Variants in GRID1 observed in about 807,000 individuals in gnomAD.
The protein encoded by GRID1 is glutamate receptor ionotropic, delta-1.
Under a neutral mutation model 98.0 loss-of-function variants are expected in GRID1, and 28 were observed. That is an observed-to-expected ratio of 0.29 (90% CI 0.21 to 0.39). The LOEUF (loss-of-function observed/expected upper bound fraction) is 0.39, where lower values mean the gene tolerates loss of function less well. Ranked by LOEUF, GRID1 falls within the 10% of genes least tolerant of loss-of-function variation. The probability of loss-of-function intolerance (pLI) is 1.00; values close to 1 mark genes in which losing one functional copy is unlikely to be tolerated. For missense variants in GRID1, 1,111 were observed against 1,340.5 expected (o/e 0.83, Z 2.67); for synonymous variants, 553 against 538.5 (o/e 1.03, Z -0.37).
At chr10:86,251,473 C>T (rs1037396932) in intron 2 of GRID1, among the ~76,000 whole-genome samples, 2 of 152,156 alleles carry the variant, frequency 1.3e-5, no homozygotes, top group Non-Finnish European at 2.9e-5. Context: ...TCAGTTCCCT[C>T]ATGTCTGCGG....
intron 5 of GRID1, among the ~76,000 whole-genome samples, chr10:85,873,727 T>A (rs1160057501): frequency 6.6e-6 from 1 of 152,252 alleles, no homozygotes; most frequent in Non-Finnish European, 1.5e-5. Flanking sequence ...ACAATGTGTA[T>A]GCCTCTTGCA....
At chr10:85,672,813 G>A (rs1165600757) in intron 12 of GRID1, among the ~76,000 whole-genome samples, 2 of 152,270 alleles carry the variant, frequency 1.3e-5, no homozygotes, top group Admixed American at 1.3e-4. Flanking sequence ...TTGTCTTCAT[G>A]CCTGTTATTA....
chr10:86,097,053 T>A (rs1015466058), intron 4 of GRID1, among the ~76,000 whole-genome samples: 1 of 151,864 alleles, frequency 6.6e-6, no homozygotes, highest in Admixed American at 6.5e-5. Context: ...GCCTTTGGAC[T>A]CCAGTACTTA....
intron 8 of GRID1, among the ~76,000 whole-genome samples, chr10:85,799,597 C>T (rs538908676): frequency 3.9e-5 from 6 of 152,094 alleles, no homozygotes; most frequent in African/African-American, 1.4e-4. Flanking sequence ...GAGGACATTA[C>T]GTTAACCCAA....
chr10:86,093,578 A>T (rs1046685872), intron 4 of GRID1, among the ~76,000 whole-genome samples: 1 of 152,210 alleles, frequency 6.6e-6, no homozygotes, highest in Non-Finnish European at 1.5e-5. Flanking sequence ...GAACACCTTT[A>T]TGCACATAAA....
intron 8 of GRID1, among the ~76,000 whole-genome samples, chr10:85,788,171 A>T (rs2132736533): frequency 6.6e-6 from 1 of 152,264 alleles, no homozygotes; most frequent in African/African-American, 2.4e-5. Context: ...GGGGAAAAAA[A>T]ATCAGGAATT....
intron 3 of GRID1, among the ~76,000 whole-genome samples, chr10:86,164,987 G>A (rs749894686): frequency 1.3e-5 from 2 of 152,180 alleles, no homozygotes; most frequent in Non-Finnish European, 2.9e-5. Flanking sequence ...GGACAGAAGC[G>A]AATGTTCAGT....
intron 8 of GRID1, among the ~76,000 whole-genome samples, chr10:85,821,050 T>C (rs956105800): frequency 6.6e-6 from 1 of 152,032 alleles, no homozygotes; most frequent in Non-Finnish European, 1.5e-5. Context: ...TAAAGAAATA[T>C]GGTTTTCCCA....
chr10:86,139,238 C>T (rs1196728069), intron 3 of GRID1, among the ~76,000 whole-genome samples: 1 of 152,160 alleles, frequency 6.6e-6, no homozygotes, highest in African/African-American at 2.4e-5. Flanking sequence ...GACTGTCTCC[C>T]CCTACAGGTT....
intron 14 of GRID1, 64 bp downstream of exon 14, chr10:85,619,803 A>T: frequency 7.8e-7 from 1 of 1,284,596 alleles, no homozygotes; most frequent in South Asian, 1.2e-5. Flanking sequence ...CTAAGAGGTT[A>T]TTCTCCTACC....
chr10:85,623,089 C>T (rs1331695504), intron 13 of GRID1, among the ~76,000 whole-genome samples: 2 of 152,194 alleles, frequency 1.3e-5, no homozygotes, highest in South Asian at 2.1e-4. Context: ...TCCTAAATGT[C>T]GTCTTCACTT....
intron 8 of GRID1, among the ~76,000 whole-genome samples, chr10:85,849,068 G>T (rs772965247): frequency 1.3e-5 from 2 of 152,000 alleles, no homozygotes. Flanking sequence ...CACTTCCCAG[G>T]CTCCTAGCAC....
intron 4 of GRID1, among the ~76,000 whole-genome samples, chr10:85,926,868 A>C (rs929737392): frequency 6.6e-6 from 1 of 152,200 alleles, no homozygotes; most frequent in African/African-American, 2.4e-5. Flanking sequence ...AATTAGACAA[A>C]ATTAGCCATA....
At chr10:85,959,372 G>T (rs1444156467) in intron 4 of GRID1, among the ~76,000 whole-genome samples, 1 of 152,172 alleles carries the variant, frequency 6.6e-6, no homozygotes, top group Non-Finnish European at 1.5e-5. Context: ...GGTGCAGCAG[G>T]GTCTCCAGAG....
intron 2 of GRID1, among the ~76,000 whole-genome samples, chr10:86,333,382 T>A (rs1402866625): frequency 1.3e-5 from 2 of 152,264 alleles, no homozygotes; most frequent in Non-Finnish European, 2.9e-5. Flanking sequence ...ACTATAAATA[T>A]TTGTTTCCAT....
At chr10:85,809,175 C>T (rs1365858057) in intron 8 of GRID1, among the ~76,000 whole-genome samples, 1 of 151,490 alleles carries the variant, frequency 6.6e-6, no homozygotes, top group African/African-American at 2.4e-5. Context: ...TGTTTATACC[C>T]AATATTCAAC....
intron 15 of GRID1, among the ~76,000 whole-genome samples, chr10:85,612,196 C>T (rs1842740230): frequency 6.6e-6 from 1 of 152,188 alleles, no homozygotes; most frequent in South Asian, 2.1e-4. Context: ...GCCAGGAATG[C>T]CCTTATGGAC....
intron 4 of GRID1, among the ~76,000 whole-genome samples, chr10:86,085,907 T>A (rs1177143830): frequency 3.3e-5 from 5 of 152,086 alleles, no homozygotes; most frequent in African/African-American, 4.8e-5. Flanking sequence ...GCCTGGGCAT[T>A]GCCCAGCATC....
intron 2 of GRID1, among the ~76,000 whole-genome samples, chr10:86,273,955 G>A (rs976563771): frequency 4.6e-5 from 7 of 151,652 alleles, no homozygotes; most frequent in Admixed American, 2.6e-4. Flanking sequence ...TGTTGCCATT[G>A]CTTTTGGTGT....
Sources: allele counts gnomAD v4.1 joint callset (sites outside exome capture counted in the v4.1 genomes callset), GRCh38; gene constraint gnomAD v4.1.1; transcripts MANE v1.5; gene names NCBI Gene and HGNC (gene_info 2026-07-23, HGNC 2026-07-21).